The following HDAC1 variants were observed in gnomAD, a reference collection of about 807,000 sequenced individuals.
HDAC1 encodes the protein protein deacetylase HDAC1.
In HDAC1, 18 loss-of-function variants were observed where a neutral mutation model predicts 65.5. The ratio of observed to expected loss-of-function variants is 0.27; its 90% CI spans 0.19 to 0.41. The LOEUF (loss-of-function observed/expected upper bound fraction) is 0.41. Ranked by LOEUF, HDAC1 falls within the 10% of genes least tolerant of loss-of-function variation. The probability of loss-of-function intolerance (pLI) is 1.00; values close to 1 mark genes in which losing one functional copy is unlikely to be tolerated. For missense variants in HDAC1, 373 were observed against 625.2 expected (o/e 0.60, Z 4.30); for synonymous variants, 211 against 227.9 (o/e 0.93, Z 0.67).
chr1:32,330,674 C>T lies in HDAC1; in HGVS notation c.826C>T (p.Leu276=), dbSNP rs1641279173. The T allele has an allele frequency of 6.2e-7, 1 of 1,613,932 alleles. No individual in the cohort carries two copies. The highest frequency in any genetic ancestry group is 2.2e-5 in the East Asian group (1 of 44,884). The part of the protein sequence containing the change: ...LSGDRLGCFN[L]TIKGHAKCVE... ...TGGGGATCGGTTAGGTTGCTTCAAT[C>T]TAACTATCAAAGGTGAGACCAGGTA... Residue 276 remains leucine, a synonymous_variant, in exon 8 of 14, where the codon CTA becomes TTA. Transcript: ENST00000373548. This position sits in a 1 kb window ranked among gnomAD's most constrained non-coding sequence, Gnocchi z 4.2.
chr1:32,299,424 CA>C (rs201223059), intron 1 of HDAC1, among the ~76,000 whole-genome samples: 1 of 150,870 alleles, frequency 6.6e-6, no homozygotes, highest in Non-Finnish European at 1.5e-5. Context: ...AAACATCAAA[CA>C]AAAAAAAACA....
intron 3 of HDAC1, among the ~76,000 whole-genome samples, chr1:32,323,188 C>G (rs1347810237): frequency 1.3e-5 from 2 of 151,896 alleles, no homozygotes; most frequent in Non-Finnish European, 2.9e-5. Flanking sequence ...GTAATCCCAG[C>G]TACTCGGGAG....
rs1140660 is a variant in HDAC1, at chr1:32,331,724, C to A, written c.1137C>A (p.Val379=). ...GAATGCTGCCGCACGCACCTGGGGT[C>A]CAAATGCAGGCGATTCCTGAGGACG... ...NLRMLPHAPG[V]QMQAIPEDAI... is the part of the protein sequence containing the mutation. The change falls in exon 11 of 14, where the codon GTC becomes GTA. Residue 379 remains valine, a synonymous_variant. Coordinates refer to ENST00000373548, the MANE Select transcript of HDAC1 (RefSeq NM_004964.3). The surrounding 1 kb of genome is among the most constrained non-coding windows in gnomAD (Gnocchi z 4.2). 1 of 1,613,996 alleles carries A rather than the reference C, an allele frequency of 6.2e-7. No individual in the cohort carries two copies. The highest frequency in any genetic ancestry group is 1.3e-5 in the African/African-American group (1 of 74,880).
In HDAC1 at chr1:32,330,984, T is replaced by TC. The variant is rs34386633; in HGVS notation, c.979+80dup. On this transcript the variant is annotated intron_variant, in intron 9 of 13. Coordinates refer to ENST00000373548, the MANE Select transcript of HDAC1 (RefSeq NM_004964.3). The surrounding 1 kb of genome is among the most constrained non-coding windows in gnomAD (Gnocchi z 4.2). ...ATCTGTCCTTAAGTTTATAACCCCT[T>TC]CCCCGTTGGTCATATGACCGCTCCT... 7.0e-7 allele frequency: 1 copy of TC among 1,431,570 alleles called. No individual in the cohort carries two copies. Among genetic ancestry groups the TC allele is most frequent in the Non-Finnish European group, 9.8e-7 (1 of 1,023,322 alleles). 88.7% of individuals were successfully genotyped at this position (1,431,570 alleles called of 1,614,324 possible).
In HDAC1 at chr1:32,330,543, T is replaced by C. The variant is rs1400029993; in HGVS notation, c.730-35T>C. On this transcript the variant is annotated intron_variant, in intron 7 of 13. Transcript: ENST00000373548. The surrounding 1 kb of genome is among the most constrained non-coding windows in gnomAD (Gnocchi z 4.2). ...CCACTCCAAACCTCGTATTGCTTTC[T>C]TGAGGTTGGTGGTGACCAGGATGTA... The C allele has an allele frequency of 6.9e-7, 1 of 1,446,508 alleles. No homozygotes were observed. The highest frequency in any genetic ancestry group is 1.4e-5 in the African/African-American group (1 of 71,594). The allele number at this position is 1,446,508 out of a possible 1,614,324, so 89.6% of individuals were successfully genotyped here. A position where few individuals can be genotyped will look rare whatever the true frequency, so the allele number is the denominator to read the frequency against.
At chr1:32,325,530 A>G (rs144870836) in intron 4 of HDAC1, among the ~76,000 whole-genome samples, 153 of 152,218 alleles carry the variant, frequency 1.0e-3, no homozygotes, top group African/African-American at 3.4e-3. Context: ...CAACATCTAT[A>G]TTTTACAAAA....
rs376389653 is a variant in HDAC1, at chr1:32,331,585, G to A, written c.1088+3G>A. The A allele has an allele frequency of 3.6e-5, 58 of 1,607,110 alleles. No homozygotes were observed. Among genetic ancestry groups the A allele is most frequent in the Admixed American group, 1.2e-4 (7 of 59,996 alleles). ...AATGAGTACCTGGAGAAGATCAAGT[G>A]AGTATATCCTCCAGCCACCCCTTGG... is the stretch of plus-strand genomic sequence containing the variant. On this transcript the variant is annotated splice_donor_region_variant and intron_variant, in intron 10 of 13. Transcript: ENST00000373548. This position sits in a 1 kb window ranked among gnomAD's most constrained non-coding sequence, Gnocchi z 4.2.
At chr1:32,295,375 T>G (rs572746264) in intron 1 of HDAC1, among the ~76,000 whole-genome samples, 87 of 151,630 alleles carry the variant, frequency 5.7e-4, no homozygotes, top group Non-Finnish European at 9.3e-4. Context: ...CACTCCAGCC[T>G]GGGGGACAGA....
chr1:32,313,654 C>T (rs1190799477), intron 2 of HDAC1, among the ~76,000 whole-genome samples: 2 of 152,174 alleles, frequency 1.3e-5, no homozygotes, highest in Non-Finnish European at 2.9e-5. Flanking sequence ...CGCTCAGCAT[C>T]ATTTAGTTAT....
chr1:32,325,870 T>C (rs1238442944), intron 4 of HDAC1, among the ~76,000 whole-genome samples: 1 of 151,870 alleles, frequency 6.6e-6, no homozygotes, highest in African/African-American at 2.4e-5. Context: ...TACTAAAAAA[T>C]ACAAAAATTA....
At chr1:32,297,777 A>ATTTTTTTTTT (rs71571709) in intron 1 of HDAC1, among the ~76,000 whole-genome samples, 2 of 72,146 alleles carry the variant, frequency 2.8e-5, no homozygotes, top group African/African-American at 1.2e-4. Context: ...CGCCTGGCTA[A>ATTTTTTTTTT]TTTTTTTTTT....
At chr1:32,293,042 C>T (rs1214979412) in intron 1 of HDAC1, among the ~76,000 whole-genome samples, 3 of 152,128 alleles carry the variant, frequency 2.0e-5, no homozygotes, top group East Asian at 1.9e-4. Flanking sequence ...GGCATTTGGC[C>T]GGGCGTGGTG....
chr1:32,326,914 T>G lies in HDAC1; in HGVS notation c.356-25T>G, dbSNP rs776157269. 8 of 1,612,916 alleles carry G rather than the reference T, an allele frequency of 5.0e-6. No homozygotes were observed. In the Admixed American group the frequency reaches 1.3e-4, roughly 27 times the overall value. ...AGGGGAGAGTGGCTTAGTAACAGGC[T>G]TATGTTCTCTTTTCTCATGCCCAGC... On this transcript the variant is annotated intron_variant, in intron 4 of 13. Transcript: ENST00000373548.
In HDAC1 at chr1:32,329,194, CAG is replaced by C. The variant is rs527991359; in HGVS notation, c.729+35_729+36del. ...CTTTATCCACCCCTTGGGCTACAAA[CAG>C]GGGATTGGTTGGCGGTGGAGGGGAG... On this transcript the variant is annotated intron_variant, in intron 7 of 13. Coordinates refer to ENST00000373548, the MANE Select transcript of HDAC1 (RefSeq NM_004964.3). The surrounding 1 kb of genome is among the most constrained non-coding windows in gnomAD (Gnocchi z 4.1). The C allele has an allele frequency of 1.1e-4, 149 of 1,318,768 alleles. No homozygotes were observed. Among genetic ancestry groups the C allele is most frequent in the African/African-American group, 8.5e-4 (59 of 69,244 alleles). The allele number at this position is 1,318,768 out of a possible 1,614,324, so 81.7% of individuals were successfully genotyped here.
intron 6 of HDAC1, 139 bp from the exon 7 acceptor site, chr1:32,328,929 G>T (rs952223346): frequency 1.5e-6 from 1 of 673,056 alleles, no homozygotes; most frequent in Non-Finnish European, 2.7e-6. Context: ...TACTAACAAG[G>T]TACCTCTGTT....
At chr1:32,292,377 G>A in intron 1 of HDAC1, 159 bp downstream of exon 1, 1 of 985,284 alleles carries the variant, frequency 1.0e-6, no homozygotes, top group Non-Finnish European at 1.2e-6. Context: ...TGAGGGAGGA[G>A]GCTGCGAGGA....
intron 3 of HDAC1, among the ~76,000 whole-genome samples, chr1:32,318,734 G>A (rs1481009282): frequency 6.6e-6 from 1 of 152,238 alleles, no homozygotes; most frequent in East Asian, 1.9e-4. Context: ...AACTTATCAA[G>A]GCAGACAAAA....
rs917110440 is a variant in HDAC1 at position 32,329,006 on chromosome 1, C to T, written c.637-62C>T. ...ACCTCTTCCTTTATCCCTCCAGCCC[C>T]TATCCTTGACCTTCCTTCAAGCTTC... On this transcript the variant is annotated intron_variant, in intron 6 of 13. Transcript: ENST00000373548. The surrounding 1 kb of genome is among the most constrained non-coding windows in gnomAD (Gnocchi z 4.1). 10 of 1,004,122 alleles carry T rather than the reference C, an allele frequency of 1.0e-5. No individual in the cohort carries two copies. In the South Asian group the frequency reaches 1.3e-4, roughly 13 times the overall value. 62.2% of individuals were successfully genotyped at this position (1,004,122 alleles called of 1,614,324 possible). A position where few individuals can be genotyped will look rare whatever the true frequency, so the allele number is the denominator to read the frequency against.
In HDAC1 at chr1:32,316,682, T is replaced by C. The variant is rs1248233313; in HGVS notation, c.180T>C (p.Asn60=). 4.3e-6 allele frequency: 7 copies of C among 1,612,912 alleles called. No individual in the cohort carries two copies. Among genetic ancestry groups the C allele is most frequent in the Non-Finnish European group, 5.9e-6 (7 of 1,178,968 alleles). Residue 60 remains asparagine (N), a synonymous_variant, in exon 3 of 14, where the codon AAT becomes AAC. Transcript: ENST00000373548. Reference sequence around the variant, plus strand: ...CCCTCTAGCGCCCTCACAAAGCCAATGCTGAGGAGATGACCAAGTACCACA... The same window carrying C: ...CCCTCTAGCGCCCTCACAAAGCCAACGCTGAGGAGATGACCAAGTACCACA... ...KMEIYRPHKA[N]AEEMTKYHSD...
Sources: allele counts gnomAD v4.1 joint callset (sites outside exome capture counted in the v4.1 genomes callset), GRCh38; gene constraint gnomAD v4.1.1; non-coding constraint Gnocchi (gnomAD v3.1); transcripts MANE v1.5; gene names NCBI Gene and HGNC (gene_info 2026-07-23, HGNC 2026-07-21).